The following TYR variants were observed in gnomAD, a reference collection of about 807,000 sequenced individuals.
TYR encodes LB24-AB.
TYR carries 58 observed loss-of-function variants against 51.5 expected under a neutral mutation model. The observed-to-expected ratio is 1.13, with a 90% CI of 0.91 to 1.40. The LOEUF is 1.40. Ranked by LOEUF, TYR falls within the 40% of genes most tolerant of loss-of-function variation. The pLI, the probability that TYR is intolerant of heterozygous loss-of-function variation, is 0.00. For missense variants in TYR, 732 were observed against 647.4 expected, an observed-to-expected ratio of 1.13 and a Z score of -1.42; for synonymous variants, 263 against 235.2, an observed-to-expected ratio of 1.12 and a Z score of -1.08.
intron 3 of TYR, among the ~76,000 whole-genome samples, chr11:89,259,336 T>C (rs1302267952): frequency 6.6e-6 from 1 of 152,084 alleles, no homozygotes; most frequent in Non-Finnish European, 1.5e-5. Context: ...GCTAGAACAT[T>C]AGTATTTGGC....
At chr11:89,182,934 T>G (rs1943320962) in intron 1 of TYR, among the ~76,000 whole-genome samples, 1 of 152,012 alleles carries the variant, frequency 6.6e-6, no homozygotes, top group Non-Finnish European at 1.5e-5. Flanking sequence ...ACTCATCAGG[T>G]GAAAAGCACA....
At chr11:89,256,421 A>G (rs971736316) in intron 3 of TYR, among the ~76,000 whole-genome samples, 2 of 151,572 alleles carry the variant, frequency 1.3e-5, no homozygotes, top group Non-Finnish European at 1.5e-5. Context: ...TTTGTTTTCT[A>G]TAGTTTTATA....
chr11:89,223,553 T>C (rs1943939583), intron 2 of TYR, among the ~76,000 whole-genome samples: 1 of 152,224 alleles, frequency 6.6e-6, no homozygotes, highest in Non-Finnish European at 1.5e-5. Flanking sequence ...AATTCCCTCG[T>C]AGGTTTTTTG....
chr11:89,275,839 T>C (rs994610739), intron 3 of TYR, among the ~76,000 whole-genome samples: 1 of 151,876 alleles, frequency 6.6e-6, no homozygotes, highest in African/African-American at 2.4e-5. Context: ...AACTCGGTGA[T>C]TGGCACAAGA....
intron 3 of TYR, among the ~76,000 whole-genome samples, chr11:89,235,994 T>C (rs1173236828): frequency 6.6e-6 from 1 of 152,150 alleles, no homozygotes; most frequent in East Asian, 1.9e-4. Flanking sequence ...AAAGTGTCAA[T>C]TTGTCTAGAT....
intron 3 of TYR, among the ~76,000 whole-genome samples, chr11:89,229,649 G>A (rs1056886801): frequency 1.3e-5 from 2 of 151,866 alleles, no homozygotes; most frequent in Non-Finnish European, 2.9e-5. Context: ...ACACAGAAAA[G>A]CCTGAGAATT....
chr11:89,182,855 T>A (rs1009915290), intron 1 of TYR, among the ~76,000 whole-genome samples: 1 of 131,396 alleles, frequency 7.6e-6, no homozygotes, highest in Non-Finnish European at 1.6e-5. Context: ...GGTGTCATCA[T>A]GAACAGAAAC....
chr11:89,221,871 T>C (rs1270960568), intron 2 of TYR, among the ~76,000 whole-genome samples: 3 of 152,214 alleles, frequency 2.0e-5, no homozygotes, highest in Admixed American at 6.5e-5. Flanking sequence ...CTTCTGAAGA[T>C]TTAACTACAC....
At chr11:89,253,762 T>C (rs1385847445) in intron 3 of TYR, among the ~76,000 whole-genome samples, 1 of 151,620 alleles carries the variant, frequency 6.6e-6, no homozygotes, top group Non-Finnish European at 1.5e-5. Context: ...ATGATCATAT[T>C]ATCAGCAAAC....
At chr11:89,178,913 A>G (rs1203725343) in intron 1 of TYR, 141 bp downstream of exon 1, 4 of 801,308 alleles carry the variant, frequency 5.0e-6, no homozygotes, top group East Asian at 2.6e-5. Flanking sequence ...AGAACTCTCA[A>G]TGTATCTTGT....
chr11:89,210,794 G>A (rs1943744318), intron 2 of TYR, among the ~76,000 whole-genome samples: 1 of 152,216 alleles, frequency 6.6e-6, no homozygotes. Flanking sequence ...TAAGCCATAG[G>A]AGAGTGGGGG....
At chr11:89,254,305 C>T (rs562158048) in intron 3 of TYR, among the ~76,000 whole-genome samples, 24 of 151,608 alleles carry the variant, frequency 1.6e-4, no homozygotes, top group African/African-American at 5.1e-4. Flanking sequence ...TTGTTATGTT[C>T]TTTTCCGGTT....
intron 4 of TYR, among the ~76,000 whole-genome samples, chr11:89,285,647 C>A (rs1944777090): frequency 6.6e-6 from 1 of 151,770 alleles, no homozygotes; most frequent in South Asian, 2.1e-4. Flanking sequence ...AAGTCCACTA[C>A]ATGCATATTC....
chr11:89,267,017 C>T (rs922731476), intron 3 of TYR, among the ~76,000 whole-genome samples: 2 of 151,868 alleles, frequency 1.3e-5, no homozygotes, highest in African/African-American at 4.8e-5. Context: ...AGTTCTATAT[C>T]TGTACAGATA....
intron 3 of TYR, among the ~76,000 whole-genome samples, chr11:89,249,838 C>T (rs1335435491): frequency 6.6e-6 from 1 of 151,904 alleles, no homozygotes; most frequent in Admixed American, 6.6e-5. Flanking sequence ...GAAAAAATTG[C>T]CACAGCAAGG....
In TYR at chr11:89,248,910, G is replaced by A. The variant is rs1201719651; in HGVS notation, c.1184+20940G>A. Among the ~76,000 whole-genome samples, 4 of 151,990 alleles carry A rather than the reference G, an allele frequency of 2.6e-5. No individual in the cohort carries two copies. The South Asian group carries it at 6.2e-4, about 24-fold the overall frequency. On this transcript the variant is annotated intron_variant, in intron 3 of 4. Coordinates refer to ENST00000263321, the MANE Select transcript of TYR (RefSeq NM_000372.5). ...AACAGGGCTTGTTAATGGACTATGTGATAATATAGATGTAGTTAGTAATTT... is the reference window on the plus strand; with the variant it reads ...AACAGGGCTTGTTAATGGACTATGTAATAATATAGATGTAGTTAGTAATTT...
At chr11:89,196,317 A>T (rs12808283) in intron 2 of TYR, among the ~76,000 whole-genome samples, 24,438 of 152,150 alleles carry the variant, frequency 0.16, 2,392 homozygotes, top group African/African-American at 0.28. Context: ...TCATGAAGAT[A>T]GAACCAAAAA....
intron 2 of TYR, among the ~76,000 whole-genome samples, chr11:89,193,916 C>T (rs1178923308): frequency 6.6e-6 from 1 of 152,002 alleles, no homozygotes; most frequent in African/African-American, 2.4e-5. Context: ...GGGTAAATTG[C>T]ATAGACTGTA....
chr11:89,236,624 C>A (rs945224635), intron 3 of TYR, among the ~76,000 whole-genome samples: 1 of 152,274 alleles, frequency 6.6e-6, no homozygotes, highest in South Asian at 2.1e-4. Flanking sequence ...GGCATCTGAG[C>A]CATCCTCTCA....
Sources: allele counts gnomAD v4.1 joint callset (sites outside exome capture counted in the v4.1 genomes callset), GRCh38; gene constraint gnomAD v4.1.1; transcripts MANE v1.5; gene names NCBI Gene and HGNC (gene_info 2026-07-23, HGNC 2026-07-21).